LY86: variants seen among roughly 807,000 people sequenced by gnomAD.
The protein encoded by LY86 is MD-1, RP105-associated.
LY86 carries 20 observed loss-of-function variants against 17.3 expected under a neutral mutation model. The ratio of observed to expected loss-of-function variants is 1.15; its 90% CI spans 0.81 to 1.68. The LOEUF is 1.68. Ranked by LOEUF, LY86 falls within the 40% of genes most tolerant of loss-of-function variation. LY86 has a pLI of 0.00. For missense variants in LY86, 200 were observed against 191.9 expected (o/e 1.04, Z -0.25); for synonymous variants, 74 against 70.6 (o/e 1.05, Z -0.24).
Position 6,596,948 on chromosome 6 carries a change from GA to G in LY86, c.136+8081del, listed in dbSNP as rs1760732846. On this transcript the variant is annotated intron_variant, in intron 1 of 4. Transcript: ENST00000230568. ...CTGAAGAGGCCTCTTCTGCAGGCAG[GA>G]AACGTTTTCCCAAACGCTGTTCACA... Among the ~76,000 whole-genome samples the G allele has an allele frequency of 3.3e-5, 5 of 152,150 alleles. No individual in the cohort carries two copies. The South Asian group carries it at 1.0e-3, about 32-fold the overall frequency.
intron 3 of LY86, among the ~76,000 whole-genome samples, chr6:6,628,279 C>T (rs1311482193): frequency 7.7e-6 from 1 of 130,610 alleles, no homozygotes; most frequent in Non-Finnish European, 1.6e-5. Context: ...CTCCTTCCCT[C>T]CCCTTCCTCC....
intron 3 of LY86, among the ~76,000 whole-genome samples, chr6:6,632,372 G>T (rs1456453459): frequency 6.6e-6 from 1 of 152,156 alleles, no homozygotes; most frequent in East Asian, 1.9e-4. Context: ...AATGAGAGTG[G>T]CCATAATTCA....
chr6:6,621,340 A>G (rs1387833024), intron 1 of LY86: 1 of 152,218 alleles, frequency 6.6e-6, no homozygotes, highest in Admixed American at 6.5e-5. Context: ...GCAAGGGTCC[A>G]AGGGAAAGTC....
intron 1 of LY86, chr6:6,621,548 G>T (rs1025606444): frequency 6.6e-6 from 1 of 152,190 alleles, no homozygotes; most frequent in Admixed American, 6.5e-5. Context: ...ACTTTGGTAA[G>T]GTCTAGAGAT....
chr6:6,595,775 C>T (rs1248391422), intron 1 of LY86, among the ~76,000 whole-genome samples: 1 of 152,230 alleles, frequency 6.6e-6, no homozygotes, highest in Non-Finnish European at 1.5e-5. Context: ...TCAGAGCCCT[C>T]CTGCACAGGA....
At chr6:6,602,380 T>C (rs1415588745) in intron 1 of LY86, among the ~76,000 whole-genome samples, 1 of 152,182 alleles carries the variant, frequency 6.6e-6, no homozygotes, top group Non-Finnish European at 1.5e-5. Context: ...AAAACATGCA[T>C]TTCCAAAAGA....
intron 1 of LY86, among the ~76,000 whole-genome samples, chr6:6,621,810 A>G (rs763485753): frequency 3.3e-5 from 5 of 152,274 alleles, no homozygotes; most frequent in Admixed American, 6.5e-5. Flanking sequence ...GACATTATGT[A>G]TAGCCCTGGC....
At chr6:6,637,853 T>C (rs1400483161) in intron 3 of LY86, among the ~76,000 whole-genome samples, 1 of 152,238 alleles carries the variant, frequency 6.6e-6, no homozygotes, top group Non-Finnish European at 1.5e-5. Context: ...TTTCCATTTC[T>C]AGGAATCTAA....
intron 3 of LY86, among the ~76,000 whole-genome samples, chr6:6,634,283 C>G (rs893086014): frequency 6.6e-6 from 1 of 152,228 alleles, no homozygotes; most frequent in Non-Finnish European, 1.5e-5. Context: ...TATGATGACA[C>G]CTTTTGCAAT....
chr6:6,651,029 T>G (rs1049218274), intron 4 of LY86, among the ~76,000 whole-genome samples: 1 of 152,182 alleles, frequency 6.6e-6, no homozygotes, highest in Non-Finnish European at 1.5e-5. Context: ...GTTCCATCCA[T>G]GTTGCCACAA....
chr6:6,605,262 A>C (rs1174472128), intron 1 of LY86, among the ~76,000 whole-genome samples: 1 of 142,780 alleles, frequency 7.0e-6, no homozygotes, highest in Non-Finnish European at 1.5e-5. Context: ...AACAATAAGC[A>C]TTATCACCTC....
At chr6:6,589,542 GAACC>G (rs998895761) in intron 1 of LY86, among the ~76,000 whole-genome samples, 36 of 152,330 alleles carry the variant, frequency 2.4e-4, no homozygotes, top group African/African-American at 7.9e-4. Context: ...AGAAGTGTCA[GAACC>G]AACCAATCGG....
At chr6:6,618,735 G>A (rs939884189) in intron 1 of LY86, among the ~76,000 whole-genome samples, 2 of 152,158 alleles carry the variant, frequency 1.3e-5, no homozygotes, top group Non-Finnish European at 2.9e-5. Flanking sequence ...GTCAATTCCC[G>A]AGGAAATGCT....
chr6:6,613,313 G>A (rs1261026877), intron 1 of LY86, among the ~76,000 whole-genome samples: 4 of 152,182 alleles, frequency 2.6e-5, no homozygotes, highest in Non-Finnish European at 4.4e-5. Context: ...GGGACGGAGC[G>A]CTATGGAGCA....
At chr6:6,615,494 G>A (rs1407226363) in intron 1 of LY86, among the ~76,000 whole-genome samples, 1 of 152,140 alleles carries the variant, frequency 6.6e-6, no homozygotes, top group Non-Finnish European at 1.5e-5. Flanking sequence ...GGCCGAAACG[G>A]GTGGATCACT....
intron 3 of LY86, among the ~76,000 whole-genome samples, chr6:6,639,899 T>C (rs1317402590): frequency 1.3e-5 from 2 of 152,162 alleles, no homozygotes; most frequent in South Asian, 4.1e-4. Context: ...CCCAAAACTG[T>C]GTATAATACG....
intron 1 of LY86, 51 bp downstream of exon 1, chr6:6,588,921 C>T: frequency 6.3e-7 from 1 of 1,588,546 alleles, no homozygotes; most frequent in South Asian, 1.1e-5. Flanking sequence ...GCAAGGCCCA[C>T]AGATGTGAGC....
At chr6:6,622,856 A>G (rs1761711086) in intron 1 of LY86, 1 of 152,254 alleles carries the variant, frequency 6.6e-6, no homozygotes, top group African/African-American at 2.4e-5. Flanking sequence ...TACAAATCAA[A>G]TAAGTAACAT....
chr6:6,592,849 C>T (rs959033042), intron 1 of LY86, among the ~76,000 whole-genome samples: 4 of 152,106 alleles, frequency 2.6e-5, no homozygotes, highest in African/African-American at 7.2e-5. Context: ...CTGTTTAAGC[C>T]CCCCAGTCTA....
Sources: gnomAD v4.1 joint callset for allele counts (sites outside exome capture counted in the v4.1 genomes callset) on GRCh38, gnomAD v4.1.1 for gene constraint, MANE v1.5 for transcripts, NCBI Gene and HGNC (gene_info 2026-07-23, HGNC 2026-07-21) for gene names.